Variants in NAALADL2 observed in about 807,000 individuals in gnomAD.
NAALADL2 encodes the protein N-acetylated alpha-linked acidic dipeptidase like 2.
A neutral mutation model predicts 87.2 loss-of-function variants in NAALADL2; 76 were observed. The observed-to-expected ratio is 0.87, with a 90% CI of 0.72 to 1.05. The LOEUF is 1.05. NAALADL2 is among the 50% of genes least tolerant of loss of function. The pLI, the probability that NAALADL2 is intolerant of heterozygous loss-of-function variation, is 0.00. For synonymous variants in NAALADL2, 354 were observed against 331.0 expected, an observed-to-expected ratio of 1.07 and a Z score of -0.75; for missense variants, 1,089 against 945.8, an observed-to-expected ratio of 1.15 and a Z score of -1.99.
intron 3 of NAALADL2, among the ~76,000 whole-genome samples, chr3:174,777,351 A>G (rs1339417356): frequency 1.3e-5 from 2 of 152,152 alleles, no homozygotes; most frequent in Non-Finnish European, 1.5e-5. Flanking sequence ...GAAAATTATA[A>G]GTAAAACTGG....
chr3:175,100,460 T>C (rs1304565098), intron 2 of NAALADL2, among the ~76,000 whole-genome samples: 2 of 152,174 alleles, frequency 1.3e-5, no homozygotes, highest in African/African-American at 2.4e-5. Context: ...TTGGAATAAC[T>C]TGATATCTTT....
chr3:174,976,404 G>A (rs143844594), intron 1 of NAALADL2, among the ~76,000 whole-genome samples: 89 of 152,234 alleles, frequency 5.8e-4, no homozygotes, highest in African/African-American at 1.9e-3. Context: ...AGTCCAATTT[G>A]TTTAATGTGT....
chr3:175,464,437 A>T (rs1224893792), intron 7 of NAALADL2, among the ~76,000 whole-genome samples: 1 of 152,188 alleles, frequency 6.6e-6, no homozygotes. Flanking sequence ...AAAAAAAAAA[A>T]AAATTGAAAT....
At chr3:174,613,075 C>T (rs1170876931) in intron 2 of NAALADL2, among the ~76,000 whole-genome samples, 3 of 152,170 alleles carry the variant, frequency 2.0e-5, no homozygotes, top group East Asian at 1.9e-4. Flanking sequence ...GGACAAGATC[C>T]AGAAGAATTC....
chr3:175,300,806 A>C (rs1410206490), intron 4 of NAALADL2, among the ~76,000 whole-genome samples: 1 of 143,138 alleles, frequency 7.0e-6, no homozygotes, highest in Non-Finnish European at 1.5e-5. Flanking sequence ...TATTTTATTT[A>C]TTTTGAGCTC....
At chr3:175,607,237 C>G (rs1723880310) in intron 10 of NAALADL2, among the ~76,000 whole-genome samples, 1 of 152,020 alleles carries the variant, frequency 6.6e-6, no homozygotes, top group African/African-American at 2.4e-5. Flanking sequence ...AAATGGAAAG[C>G]AAATAATAGT....
chr3:174,874,609 C>T (rs1001619743), intron 1 of NAALADL2, among the ~76,000 whole-genome samples: 2 of 152,074 alleles, frequency 1.3e-5, no homozygotes, highest in African/African-American at 4.8e-5. Flanking sequence ...TGTGTAAAAG[C>T]ATCATTGAGA....
chr3:175,452,600 A>G (rs1581947340), intron 6 of NAALADL2, among the ~76,000 whole-genome samples: 2 of 152,118 alleles, frequency 1.3e-5, no homozygotes, highest in Non-Finnish European at 1.5e-5. Context: ...TGAATAATTC[A>G]GGGAGCTAGA....
chr3:174,900,207 C>T (rs2109854927), intron 1 of NAALADL2, among the ~76,000 whole-genome samples: 1 of 152,014 alleles, frequency 6.6e-6, no homozygotes, highest in East Asian at 1.9e-4. Flanking sequence ...TATAAACTAT[C>T]ACAATTAGCT....
intron 13 of NAALADL2, among the ~76,000 whole-genome samples, chr3:175,800,893 G>C (rs1754066926): frequency 6.6e-6 from 1 of 152,154 alleles, no homozygotes; most frequent in Admixed American, 6.5e-5. Flanking sequence ...ATAAGACAGA[G>C]ATGGATAAAT....
At chr3:175,215,028 GT>G (rs1413637661) in intron 2 of NAALADL2, among the ~76,000 whole-genome samples, 1 of 152,036 alleles carries the variant, frequency 6.6e-6, no homozygotes, top group East Asian at 1.9e-4. Context: ...TTATTTAGTG[GT>G]TCTCAGCCAC....
At chr3:175,668,433 A>AT (rs1480986046) in intron 11 of NAALADL2, among the ~76,000 whole-genome samples, 4 of 151,884 alleles carry the variant, frequency 2.6e-5, no homozygotes, top group Admixed American at 2.6e-4. Context: ...AGATATTTTC[A>AT]TTTTTTCAAG....
At chr3:175,622,283 A>G (rs1446706018) in intron 10 of NAALADL2, among the ~76,000 whole-genome samples, 3 of 152,136 alleles carry the variant, frequency 2.0e-5, no homozygotes, top group African/African-American at 4.8e-5. Flanking sequence ...AGTGTAGAGA[A>G]ACCAGAAAGG....
intron 9 of NAALADL2, among the ~76,000 whole-genome samples, chr3:175,570,495 C>T (rs1043869410): frequency 2.0e-5 from 3 of 152,102 alleles, no homozygotes; most frequent in Admixed American, 2.0e-4. Context: ...ATAATTGGTA[C>T]TTTACTATAC....
rs139122971 is a variant in NAALADL2, at chr3:174,982,324, A to G, written c.44-114466A>G. Among the ~76,000 whole-genome samples, 747 of 152,256 alleles carry G rather than the reference A, an allele frequency of 4.9e-3. 2 individuals carry two copies. Among genetic ancestry groups the G allele is most frequent in the Middle Eastern group, 0.01 (3 of 294 alleles). ...CTGAGGTCATGATTTCTGACCTTCT[A>G]GGACTTATAATCAATTTTTAGCAGT... On this transcript the variant is annotated intron_variant, in intron 1 of 13. Transcript: ENST00000454872.
At chr3:175,545,061 G>A (rs1316660021) in intron 9 of NAALADL2, among the ~76,000 whole-genome samples, 1 of 152,084 alleles carries the variant, frequency 6.6e-6, no homozygotes, top group Non-Finnish European at 1.5e-5. Flanking sequence ...CAAAATTCAA[G>A]TATTGTCCAT....
At chr3:175,340,662 G>C (rs1762476345) in intron 5 of NAALADL2, among the ~76,000 whole-genome samples, 1 of 152,186 alleles carries the variant, frequency 6.6e-6, no homozygotes, top group Non-Finnish European at 1.5e-5. Flanking sequence ...CCCTGCCACA[G>C]TTAAGATGCT....
chr3:174,717,661 C>T (rs1731316110), intron 2 of NAALADL2, among the ~76,000 whole-genome samples: 1 of 152,048 alleles, frequency 6.6e-6, no homozygotes, highest in Non-Finnish European at 1.5e-5. Flanking sequence ...TCATTAGCAA[C>T]CGCCTCTTCA....
At chr3:175,294,083 A>G (rs571338437) in intron 4 of NAALADL2, among the ~76,000 whole-genome samples, 1 of 152,178 alleles carries the variant, frequency 6.6e-6, no homozygotes, top group Non-Finnish European at 1.5e-5. Flanking sequence ...AGTAAGATCC[A>G]GGGACATAAA....
Sources: gnomAD v4.1 joint callset for allele counts (sites outside exome capture counted in the v4.1 genomes callset) on GRCh38, gnomAD v4.1.1 for gene constraint, MANE v1.5 for transcripts, NCBI Gene and HGNC (gene_info 2026-07-23, HGNC 2026-07-21) for gene names.